The following CUEDC1 variants were observed in gnomAD, a reference collection of about 807,000 sequenced individuals.
CUEDC1 encodes CUE domain containing 1.
A neutral mutation model predicts 43.7 loss-of-function variants in CUEDC1; 30 were observed. The observed-to-expected ratio is 0.69, with a 90% CI of 0.51 to 0.93. The LOEUF is 0.93. Ranked by LOEUF, CUEDC1 falls within the 40% of genes least tolerant of loss-of-function variation. The pLI, the probability that CUEDC1 is intolerant of heterozygous loss-of-function variation, is 0.00. For missense variants in CUEDC1, 486 were observed against 549.0 expected (o/e 0.89, Z 1.15); for synonymous variants, 223 against 223.6 (o/e 1.00, Z 0.02).
chr17:57,869,255 C>T, intron 6 of CUEDC1, 62 bp from the exon 7 acceptor site: 1 of 1,445,804 alleles, frequency 6.9e-7, no homozygotes, highest in African/African-American at 1.4e-5. Flanking sequence ...TGTCCCAGCC[C>T]TACCCACCCA....
intron 1 of CUEDC1, among the ~76,000 whole-genome samples, chr17:57,939,155 C>T (rs1371731874): frequency 3.3e-5 from 5 of 151,302 alleles, no homozygotes; most frequent in Admixed American, 6.6e-5. Flanking sequence ...TTAGTAGAGA[C>T]GGGCTTTCAC....
chr17:57,905,293 C>T (rs1171914757), intron 1 of CUEDC1, among the ~76,000 whole-genome samples: 1 of 150,842 alleles, frequency 6.6e-6, no homozygotes, highest in African/African-American at 2.4e-5. Flanking sequence ...CACACACACT[C>T]CAGCCTGCTG....
rs765939268 is a variant in CUEDC1 at position 57,885,457 on chromosome 17, G to C, written c.108C>G (p.Ser36Arg). The C allele has an allele frequency of 1.3e-6, 2 of 1,594,504 alleles. No homozygotes were observed. Among genetic ancestry groups the C allele is most frequent in the Non-Finnish European group, 8.5e-7 (1 of 1,173,314 alleles). Residue 36 changes from serine (S) to arginine (R), a missense_variant, in exon 2 of 11, where the codon AGC becomes AGG. Coordinates refer to ENST00000577830, the MANE Select transcript of CUEDC1 (RefSeq NM_001271875.2). ...GGCGGCGCACCTGGCGGGCAGGCCG[G>C]CTGTTGTTGAGCTCCTGGGGGGCGG... ...GTAAPQELNN[S>R]RPARQVRRLE...
chr17:57,953,591 G>C (rs911225946), intron 1 of CUEDC1, among the ~76,000 whole-genome samples: 1 of 152,164 alleles, frequency 6.6e-6, no homozygotes, highest in East Asian at 1.9e-4. Context: ...TATATTAACC[G>C]TCTGGTGTTG....
intron 1 of CUEDC1, among the ~76,000 whole-genome samples, chr17:57,942,126 A>G (rs1044010981): frequency 8.5e-5 from 13 of 152,154 alleles, no homozygotes; most frequent in Non-Finnish European, 1.6e-4. Flanking sequence ...GGCCACAAAG[A>G]GTGGCTTAGA....
rs376893717 is a variant in CUEDC1, at chr17:57,885,455, C to T, written c.110G>A (p.Arg37Gln). The part of the protein sequence containing the change: ...TAAPQELNNS[R>Q]PARQVRRLEF... ...CAGGCGGCGCACCTGGCGGGCAGGC[C>T]GGCTGTTGTTGAGCTCCTGGGGGGC... The change falls in exon 2 of 11, where the codon CGG becomes CAG. Residue 37 changes from arginine to glutamine, a missense_variant. Arg to Gln is a conservative substitution (Grantham distance 43). Transcript: ENST00000577830. 6.3e-7 allele frequency: 1 copy of T among 1,595,304 alleles called. No individual in the cohort carries two copies. The highest frequency in any genetic ancestry group is 8.5e-7 in the Non-Finnish European group (1 of 1,173,496).
chr17:57,911,508 C>A (rs77774144), intron 1 of CUEDC1, among the ~76,000 whole-genome samples: 1 of 151,824 alleles, frequency 6.6e-6, no homozygotes, highest in Admixed American at 6.6e-5. Context: ...TTTCTTTTTT[C>A]TTTTCTTTTT....
chr17:57,910,435 A>G (rs577507242), intron 1 of CUEDC1, among the ~76,000 whole-genome samples: 25 of 150,720 alleles, frequency 1.7e-4, no homozygotes, highest in African/African-American at 5.6e-4. Context: ...TCAACCACAG[A>G]AAAAAAAATG....
At chr17:57,902,970 T>C (rs75391886) in intron 1 of CUEDC1, 12,056 of 152,334 alleles carry the variant, frequency 0.079, 541 homozygotes, top group Admixed American at 0.12. Context: ...CCTCACCATG[T>C]TGTCACCCCA....
At chr17:57,913,106 A>G (rs2074601682) in intron 1 of CUEDC1, among the ~76,000 whole-genome samples, 1 of 152,016 alleles carries the variant, frequency 6.6e-6, no homozygotes, top group Admixed American at 6.6e-5. Context: ...CGGGTGGATT[A>G]CCTGAGGTCA....
chr17:57,892,433 T>G (rs999013479), intron 1 of CUEDC1: 1 of 152,238 alleles, frequency 6.6e-6, no homozygotes, highest in Non-Finnish European at 1.5e-5. Context: ...CAGGTCCCAA[T>G]TGCCAGCACC....
intron 1 of CUEDC1, chr17:57,922,489 C>T (rs2074707588): frequency 6.6e-6 from 1 of 152,070 alleles, no homozygotes; most frequent in Non-Finnish European, 1.5e-5. Context: ...TGAAACTGAC[C>T]GAGAAGAGAA....
Position 57,916,537 on chromosome 17 carries a change from A to G in CUEDC1, c.-315-30658T>C, listed in dbSNP as rs575724721. Among the ~76,000 whole-genome samples the G allele has an allele frequency of 5.9e-5, 9 of 152,324 alleles. No individual in the cohort carries two copies. The East Asian group carries it at 1.7e-3, about 29-fold the overall frequency. ...GGAAGCAAAGGAACAAAACAGGGAG[A>G]AACACAAACCCGTCACCACCTCCCA... On this transcript the variant is annotated intron_variant, in intron 1 of 10. Coordinates refer to ENST00000577830, the MANE Select transcript of CUEDC1 (RefSeq NM_001271875.2).
chr17:57,902,763 G>A (rs2074487052), intron 1 of CUEDC1, among the ~76,000 whole-genome samples: 1 of 152,232 alleles, frequency 6.6e-6, no homozygotes, highest in Non-Finnish European at 1.5e-5. Flanking sequence ...CATTCAGCCA[G>A]GCTCCAGGTT....
chr17:57,877,714 C>T lies in CUEDC1; in HGVS notation c.464+1897G>A, dbSNP rs556721141. On this transcript the variant is annotated intron_variant, in intron 3 of 10. Coordinates refer to ENST00000577830, the MANE Select transcript of CUEDC1 (RefSeq NM_001271875.2). ...CCAGCCTGGCAACATGGTGAAACCC[C>T]GTCTCTACTAAAATACAAAAGTTAG... is the stretch of plus-strand genomic sequence containing the variant. 4.7e-4 allele frequency among the ~76,000 whole-genome samples: 72 copies of T among 151,582 alleles called. No homozygotes were observed. In the Middle Eastern group the frequency reaches 0.014, roughly 29 times the overall value.
Position 57,861,656 on chromosome 17 carries a change from C to G in CUEDC1, c.*1633G>C, listed in dbSNP as rs1008408407. 1 of 152,370 alleles carries G rather than the reference C, an allele frequency of 6.6e-6. No homozygotes were observed. The highest frequency in any genetic ancestry group is 2.4e-5 in the African/African-American group (1 of 41,436). 9.4% of individuals were successfully genotyped at this position (152,370 alleles called of 1,614,324 possible). A position where few individuals can be genotyped will look rare whatever the true frequency, so the allele number is the denominator to read the frequency against. ...CCTATGAAACAGCTCCAAGAAAAAA[C>G]CCACACATAGGAGGAAAAAAAATAA... is the stretch of plus-strand genomic sequence containing the variant. On this transcript the variant is annotated 3_prime_UTR_variant, in exon 11 of 11. Transcript: ENST00000577830.
intron 3 of CUEDC1, among the ~76,000 whole-genome samples, chr17:57,877,687 G>A (rs970961512): frequency 6.6e-6 from 1 of 151,540 alleles, no homozygotes; most frequent in African/African-American, 2.4e-5. Context: ...AGGAGTCTGA[G>A]ACCAGCCTGG....
intron 1 of CUEDC1, among the ~76,000 whole-genome samples, chr17:57,933,897 A>T (rs2074834641): frequency 6.6e-6 from 1 of 152,110 alleles, no homozygotes; most frequent in Admixed American, 6.6e-5. Flanking sequence ...GACCTGGCTG[A>T]GAGAGGCCAG....
intron 1 of CUEDC1, among the ~76,000 whole-genome samples, chr17:57,925,943 G>T (rs912670514): frequency 3.9e-5 from 6 of 152,202 alleles, no homozygotes; most frequent in African/African-American, 1.4e-4. Context: ...GGCAAGGGTG[G>T]TCTGGCTGGG....
Sources: gnomAD v4.1 joint callset for allele counts (sites outside exome capture counted in the v4.1 genomes callset) on GRCh38, gnomAD v4.1.1 for gene constraint, MANE v1.5 for transcripts, NCBI Gene and HGNC (gene_info 2026-07-23, HGNC 2026-07-21) for gene names.